The following NAALADL2 variants were observed in gnomAD, a reference collection of about 807,000 sequenced individuals.
The protein encoded by NAALADL2 is inactive N-acetylated-alpha-linked acidic dipeptidase-like protein 2.
Under a neutral mutation model 87.2 loss-of-function variants are expected in NAALADL2, and 76 were observed. The observed-to-expected ratio is 0.87, with a 90% CI of 0.72 to 1.05. The LOEUF (loss-of-function observed/expected upper bound fraction) is 1.05, where lower values mean the gene tolerates loss of function less well. Ranked by LOEUF, NAALADL2 falls within the 50% of genes least tolerant of loss-of-function variation. The pLI is 0.00. For synonymous variants in NAALADL2, 354 were observed against 331.0 expected, an observed-to-expected ratio of 1.07 and a Z score of -0.75; for missense variants, 1,089 against 945.8, an observed-to-expected ratio of 1.15 and a Z score of -1.99.
intron 2 of NAALADL2, among the ~76,000 whole-genome samples, chr3:174,673,643 G>A (rs1285108003): frequency 6.9e-6 from 1 of 144,792 alleles, no homozygotes; most frequent in Admixed American, 7.0e-5. Flanking sequence ...AGGCTGGGAA[G>A]GGGGTGTGTT....
At chr3:174,628,463 C>T (rs1330229720) in intron 2 of NAALADL2, among the ~76,000 whole-genome samples, 3 of 105,034 alleles carry the variant, frequency 2.9e-5, no homozygotes, top group South Asian at 3.3e-4. Flanking sequence ...GGTGACAGTG[C>T]GAGACTGTCT....
At chr3:174,515,877 C>G (rs1250073109) in intron 1 of NAALADL2, among the ~76,000 whole-genome samples, 1 of 151,748 alleles carries the variant, frequency 6.6e-6, no homozygotes, top group Non-Finnish European at 1.5e-5. Context: ...TAATAGCAGT[C>G]TTAGATAAAA....
intron 9 of NAALADL2, among the ~76,000 whole-genome samples, chr3:175,526,669 T>C (rs1201267424): frequency 1.3e-5 from 2 of 152,130 alleles, no homozygotes; most frequent in African/African-American, 4.8e-5. Context: ...GTCATTTCTC[T>C]GCTAGGCAGA....
At chr3:175,272,988 T>C (rs949848862) in intron 4 of NAALADL2, among the ~76,000 whole-genome samples, 1 of 152,098 alleles carries the variant, frequency 6.6e-6, no homozygotes, top group African/African-American at 2.4e-5. Flanking sequence ...CAAATCAAGA[T>C]AAAAGGAACA....
chr3:175,298,744 T>C (rs183198526), intron 4 of NAALADL2, among the ~76,000 whole-genome samples: 258 of 152,282 alleles, frequency 1.7e-3, no homozygotes, highest in African/African-American at 5.8e-3. Context: ...AAATCAGAAT[T>C]AAGCTATCTT....
At chr3:174,666,183 A>G (rs80003088) in intron 2 of NAALADL2, among the ~76,000 whole-genome samples, 4,970 of 152,274 alleles carry the variant, frequency 0.033, 296 homozygotes, top group African/African-American at 0.11. Context: ...GAAGCATAAA[A>G]TAGCATGTAA....
At chr3:175,158,420 A>G (rs1732637771) in intron 2 of NAALADL2, among the ~76,000 whole-genome samples, 1 of 146,394 alleles carries the variant, frequency 6.8e-6, no homozygotes, top group Admixed American at 6.9e-5. Flanking sequence ...TCAGGAACCC[A>G]AAACTTGATG....
At chr3:175,119,672 G>A (rs999091928) in intron 2 of NAALADL2, among the ~76,000 whole-genome samples, 2 of 86,044 alleles carry the variant, frequency 2.3e-5, no homozygotes, top group African/African-American at 4.4e-5. Flanking sequence ...AGGTTGAGGA[G>A]TCACTTAGTA....
In NAALADL2 at chr3:174,582,611, T is replaced by C. The variant is rs1490127219; in HGVS notation, c.-115+31974T>C. Among the ~76,000 whole-genome samples, 4 of 152,324 alleles carry C rather than the reference T, an allele frequency of 2.6e-5. No individual in the cohort carries two copies. The East Asian group carries it at 7.7e-4, about 29-fold the overall frequency. On this transcript the variant is annotated intron_variant, in intron 2 of 3. Transcript: ENST00000434257. ...TTTCTTTTTTTTTGGAAATGGAGTC[T>C]CACTTTGTTGCCCAGGCTGGAATGC...
chr3:174,488,757 T>G (rs1718009569), intron 1 of NAALADL2, among the ~76,000 whole-genome samples: 1 of 152,048 alleles, frequency 6.6e-6, no homozygotes, highest in African/African-American at 2.4e-5. Flanking sequence ...CTAAACCCTG[T>G]ACTAAATCAG....
chr3:175,696,850 G>A (rs1737860209), intron 11 of NAALADL2, among the ~76,000 whole-genome samples: 1 of 152,090 alleles, frequency 6.6e-6, no homozygotes, highest in African/African-American at 2.4e-5. Flanking sequence ...GGCATCACAT[G>A]GTGAGCAATC....
chr3:174,683,625 TTCTGG>T lies in NAALADL2; in HGVS notation c.-114-54014_-114-54010del, dbSNP rs1413833285. On this transcript the variant is annotated intron_variant, in intron 2 of 3. Transcript: ENST00000434257. Reference sequence around the variant, plus strand: ...AGATAGAGTAAGAAATTAACAGAACTTCTGGTGTGTGTGTGTGTGTGTGTGTGTGT... The same window carrying T: ...AGATAGAGTAAGAAATTAACAGAACTTGTGTGTGTGTGTGTGTGTGTGTGT... Among the ~76,000 whole-genome samples the T allele has an allele frequency of 3.2e-5, 3 of 94,610 alleles. No individual in the cohort carries two copies. The South Asian group carries it at 1.2e-3, about 38-fold the overall frequency. The allele number at this position is 94,610 out of a possible 152,430, so 62.1% of individuals were successfully genotyped here.
intron 5 of NAALADL2, among the ~76,000 whole-genome samples, chr3:175,364,440 T>C (rs551061937): frequency 6.8e-6 from 1 of 147,936 alleles, no homozygotes; most frequent in East Asian, 2.0e-4. Flanking sequence ...TGATTTGAAG[T>C]CTTAATAGTG....
chr3:175,380,108 G>C (rs1388511335), intron 5 of NAALADL2, among the ~76,000 whole-genome samples: 1 of 152,010 alleles, frequency 6.6e-6, no homozygotes, highest in Non-Finnish European at 1.5e-5. Flanking sequence ...TAAATGACGA[G>C]TTAATGGGTG....
chr3:175,231,364 T>C (rs1744916628), intron 2 of NAALADL2, among the ~76,000 whole-genome samples: 1 of 152,082 alleles, frequency 6.6e-6, no homozygotes, highest in African/African-American at 2.4e-5. Context: ...ATCTATGTGT[T>C]TAAATTATTT....
intron 1 of NAALADL2, among the ~76,000 whole-genome samples, chr3:175,072,652 T>C (rs1302510806): frequency 7.7e-6 from 1 of 130,558 alleles, no homozygotes; most frequent in Non-Finnish European, 1.5e-5. Flanking sequence ...TTCTTTCTAC[T>C]GAGTATAACT....
At chr3:175,014,881 C>G (rs913469456) in intron 1 of NAALADL2, among the ~76,000 whole-genome samples, 1 of 151,992 alleles carries the variant, frequency 6.6e-6, no homozygotes, top group Non-Finnish European at 1.5e-5. Context: ...GTTTTATTCC[C>G]TCTTTCTCTC....
chr3:174,794,006 T>C (rs1231451329), intron 3 of NAALADL2, among the ~76,000 whole-genome samples: 2 of 152,124 alleles, frequency 1.3e-5, no homozygotes, highest in African/African-American at 2.4e-5. Context: ...AAAGATCCAA[T>C]ATCTACTAAA....
chr3:174,704,596 A>G (rs1326221230), intron 2 of NAALADL2, among the ~76,000 whole-genome samples: 3 of 152,072 alleles, frequency 2.0e-5, no homozygotes, highest in Admixed American at 6.6e-5. Flanking sequence ...GATACATACC[A>G]TGTGATGGAA....
Sources: gnomAD v4.1 joint callset for allele counts (sites outside exome capture counted in the v4.1 genomes callset) on GRCh38, gnomAD v4.1.1 for gene constraint, MANE v1.5 for transcripts, NCBI Gene and HGNC (gene_info 2026-07-23, HGNC 2026-07-21) for gene names.